Variants in EPHA7 observed in about 807,000 individuals in gnomAD.
The protein encoded by EPHA7 is ephrin type-A receptor 7.
EPHA7 carries 25 observed loss-of-function variants against 112.6 expected under a neutral mutation model. The ratio of observed to expected loss-of-function variants is 0.22; its 90% confidence interval spans 0.16 to 0.31. EPHA7 has a LOEUF of 0.31. EPHA7 is among the 10% of genes least tolerant of loss of function. The pLI is 1.00. For missense variants in EPHA7, 962 were observed against 1,212.6 expected, an observed-to-expected ratio of 0.79 and a Z score of 3.07; for synonymous variants, 437 against 406.5, an observed-to-expected ratio of 1.07 and a Z score of -0.90.
chr6:93,310,920 A>T (rs1056332438), intron 5 of EPHA7, among the ~76,000 whole-genome samples: 2 of 151,952 alleles, frequency 1.3e-5, no homozygotes, highest in Non-Finnish European at 2.9e-5. Context: ...TTGCTGCATC[A>T]ATTGACACTT....
chr6:93,405,809 GTGTGTATATATATATATATATATATATA>G (rs1185459430), intron 3 of EPHA7, among the ~76,000 whole-genome samples: 2 of 61,616 alleles, frequency 3.2e-5, no homozygotes, highest in African/African-American at 1.7e-4. Context: ...GTGTGTGTGT[GTGTGTATATATATATATATATATATATA>G]TATATATATA....
At position 93,373,196 on chromosome 6, in the gene EPHA7, TTTATA is replaced by T. The variant is rs775707887; in HGVS notation, c.833-14790_833-14786del. Among the ~76,000 whole-genome samples, 24 of 152,062 alleles carry T rather than the reference TTTATA, an allele frequency of 1.6e-4. No homozygotes were observed. The South Asian group carries it at 1.7e-3, about 10-fold the overall frequency. ...TAACAGCTAGAAACCACTAGTTCTC[TTTATA>T]TTATATTTAATTTTATTAAAATAAT... is the stretch of plus-strand genomic sequence containing the variant. On this transcript the variant is annotated intron_variant, in intron 3 of 16. Transcript: ENST00000369303.
chr6:93,344,706 T>C (rs953884743), intron 5 of EPHA7, among the ~76,000 whole-genome samples: 2 of 151,550 alleles, frequency 1.3e-5, no homozygotes, highest in East Asian at 1.9e-4. Context: ...CTTTCTTGTG[T>C]CTTCATTCTA....
chr6:93,283,211 A>G (rs1198811200), intron 5 of EPHA7, among the ~76,000 whole-genome samples: 3 of 152,172 alleles, frequency 2.0e-5, no homozygotes, highest in Non-Finnish European at 2.9e-5. Context: ...AAATACACCA[A>G]TTGACACTCT....
At chr6:93,409,482 A>C (rs1270098637) in intron 3 of EPHA7, among the ~76,000 whole-genome samples, 1 of 152,098 alleles carries the variant, frequency 6.6e-6, no homozygotes, top group Non-Finnish European at 1.5e-5. Flanking sequence ...GCACATACTA[A>C]GTTATCAAGA....
chr6:93,298,471 A>G (rs1772791206), intron 5 of EPHA7, among the ~76,000 whole-genome samples: 1 of 151,990 alleles, frequency 6.6e-6, no homozygotes, highest in African/African-American at 2.4e-5. Context: ...AAATGGCAAC[A>G]AATCATGTTT....
chr6:93,384,776 T>C (rs1777518565), intron 3 of EPHA7, among the ~76,000 whole-genome samples: 1 of 152,204 alleles, frequency 6.6e-6, no homozygotes, highest in Non-Finnish European at 1.5e-5. Context: ...TAACTTGTTA[T>C]TGAACGATTT....
chr6:93,417,193 G>A (rs1427229650), intron 1 of EPHA7, among the ~76,000 whole-genome samples: 1 of 152,146 alleles, frequency 6.6e-6, no homozygotes, highest in Non-Finnish European at 1.5e-5. Flanking sequence ...ACGTGCACAA[G>A]GAAAGTGAGG....
intron 3 of EPHA7, among the ~76,000 whole-genome samples, chr6:93,405,024 T>G (rs2127991060): frequency 6.6e-6 from 1 of 152,010 alleles, no homozygotes; most frequent in South Asian, 2.1e-4. Flanking sequence ...AGCTACCTGG[T>G]TACTTAGAAC....
At chr6:93,419,088 G>T (rs1373746616) in intron 1 of EPHA7, among the ~76,000 whole-genome samples, 157 bp downstream of exon 1, 1 of 152,144 alleles carries the variant, frequency 6.6e-6, no homozygotes, top group Non-Finnish European at 1.5e-5. Flanking sequence ...TCGCTGGTCC[G>T]CCAGGAGCGG....
chr6:93,253,021 T>C (rs1770282487), intron 14 of EPHA7, among the ~76,000 whole-genome samples: 1 of 152,100 alleles, frequency 6.6e-6, no homozygotes, highest in Admixed American at 6.6e-5. Flanking sequence ...TTCCATTATT[T>C]GTTTTTGGAA....
chr6:93,243,205 ACTG>A lies in EPHA7; in HGVS notation c.*218_*220del. 2.5e-6 allele frequency: 1 copy of A among 403,340 alleles called. No individual in the cohort carries two copies. The highest frequency in any genetic ancestry group is 4.4e-6 in the Non-Finnish European group (1 of 226,572). The allele number at this position is 403,340 out of a possible 1,614,324, so 25.0% of individuals were successfully genotyped here. On this transcript the variant is annotated 3_prime_UTR_variant, in exon 17 of 17. Coordinates refer to ENST00000369303, the MANE Select transcript of EPHA7 (RefSeq NM_004440.4). Reference sequence around the variant, plus strand: ...TTCAGGTAGTACTTTGTTTATTGTCACTGCTATTTTCCTGGCCACCGATGGTGG... The same window carrying A: ...TTCAGGTAGTACTTTGTTTATTGTCACTATTTTCCTGGCCACCGATGGTGG...
At chr6:93,246,753 T>A in intron 15 of EPHA7, 39 bp downstream of exon 15, 1 of 1,534,870 alleles carries the variant, frequency 6.5e-7, no homozygotes, top group Non-Finnish European at 8.9e-7. Flanking sequence ...GTTACTATTG[T>A]AATTTCTCCC....
At position 93,357,132 on chromosome 6, in the gene EPHA7, T is replaced by C. The variant is rs1019102523; in HGVS notation, c.989-80A>G. 15 of 1,135,584 alleles carry C rather than the reference T, an allele frequency of 1.3e-5. No individual in the cohort carries two copies. In the South Asian group the frequency reaches 2.4e-4, roughly 18 times the overall value. 70.3% of individuals were successfully genotyped at this position (1,135,584 alleles called of 1,614,324 possible). A position where few individuals can be genotyped will look rare whatever the true frequency, so the allele number is the denominator to read the frequency against. ...CAAACAAAAAGAACAAAAGGATCTG[T>C]GTGGGGCATTAAGCTAGTGGCTCAA... On this transcript the variant is annotated intron_variant, in intron 4 of 16. Coordinates refer to ENST00000369303, the MANE Select transcript of EPHA7 (RefSeq NM_004440.4).
rs2127843070 is a variant in EPHA7, at chr6:93,241,949, G to A, written c.*1477C>T. ...ACAAGACCAATTATGACCGATCCCT[G>A]GGATCTTTCTCTATTAAAATCATTA... On this transcript the variant is annotated 3_prime_UTR_variant, in exon 17 of 17. Transcript: ENST00000369303. 2 of 215,154 alleles carry A rather than the reference G, an allele frequency of 9.3e-6. No homozygotes were observed. Among genetic ancestry groups the A allele is most frequent in the Non-Finnish European group, 1.9e-5 (2 of 106,444 alleles). 13.3% of individuals were successfully genotyped at this position (215,154 alleles called of 1,614,324 possible).
chr6:93,327,733 C>G (rs529166559), intron 5 of EPHA7, among the ~76,000 whole-genome samples: 1 of 151,570 alleles, frequency 6.6e-6, no homozygotes, highest in South Asian at 2.1e-4. Flanking sequence ...TACTCCCTAC[C>G]ATTCCATTGC....
At chr6:93,282,847 G>C (rs1036785128) in intron 5 of EPHA7, among the ~76,000 whole-genome samples, 11 of 152,182 alleles carry the variant, frequency 7.2e-5, no homozygotes, top group African/African-American at 2.7e-4. Context: ...GCAGGGCAGG[G>C]CTCAGGACCT....
intron 15 of EPHA7, among the ~76,000 whole-genome samples, chr6:93,246,074 C>A (rs138937199): frequency 6.6e-6 from 1 of 150,508 alleles, no homozygotes; most frequent in Non-Finnish European, 1.5e-5. Context: ...TTTTTGGAGA[C>A]GGAGTCTCGC....
chr6:93,379,249 T>A (rs1562139545), intron 3 of EPHA7, among the ~76,000 whole-genome samples: 1 of 152,122 alleles, frequency 6.6e-6, no homozygotes, highest in African/African-American at 2.4e-5. Context: ...GAAAGAAAAA[T>A]TAAAAATTTG....
Sources: allele counts gnomAD v4.1 joint callset (sites outside exome capture counted in the v4.1 genomes callset), GRCh38; gene constraint gnomAD v4.1.1; transcripts MANE v1.5; gene names NCBI Gene and HGNC (gene_info 2026-07-23, HGNC 2026-07-21).